Variants in PSMD1 observed in about 807,000 individuals in gnomAD.
PSMD1 encodes the protein 26S proteasome non-ATPase regulatory subunit 1.
In PSMD1, 18 loss-of-function variants were observed where a neutral mutation model predicts 119.0. The ratio of observed to expected loss-of-function variants is 0.15; its 90% CI spans 0.10 to 0.22. The LOEUF (loss-of-function observed/expected upper bound fraction) is 0.22. Ranked by LOEUF, PSMD1 falls within the 10% of genes least tolerant of loss-of-function variation. The pLI, the probability that PSMD1 is intolerant of heterozygous loss-of-function variation, is 1.00. For synonymous variants in PSMD1, 374 were observed against 396.6 expected (o/e 0.94, Z 0.68); for missense variants, 702 against 1,158.5 (o/e 0.61, Z 5.72).
intron 16 of PSMD1, among the ~76,000 whole-genome samples, chr2:231,120,550 G>A (rs1449533618): frequency 6.6e-6 from 1 of 152,172 alleles, no homozygotes; most frequent in Non-Finnish European, 1.5e-5. Context: ...ACAATGTTGT[G>A]CCTGAGTTGT....
chr2:231,070,252 A>T, intron 6 of PSMD1, 84 bp downstream of exon 6: 4 of 1,103,482 alleles, frequency 3.6e-6, no homozygotes, highest in Non-Finnish European at 4.7e-6. Context: ...ATTACTTTAT[A>T]TTACTATAAT....
Position 231,062,610 on chromosome 2 carries a change from A to G in PSMD1, c.239A>G (p.Tyr80Cys). ...HLGAFEESLNYALGAGDLFNV... is the reference protein window; with the variant it reads ...HLGAFEESLNCALGAGDLFNV... ...GGGGCTTTTGAGGAGTCTCTGAATT[A>G]TGCTCTTGGAGCAGGGGACCTCTTC... is the stretch of plus-strand genomic sequence containing the variant. Residue 80 changes from tyrosine to cysteine, a missense_variant, in exon 4 of 25, where the codon TAT (tyrosine) becomes TGT (cysteine). Coordinates refer to ENST00000308696, the MANE Select transcript of PSMD1 (RefSeq NM_002807.4). 6.2e-7 allele frequency: 1 copy of G among 1,613,718 alleles called. No individual in the cohort carries two copies. Among genetic ancestry groups the G allele is most frequent in the Non-Finnish European group, 8.5e-7 (1 of 1,179,870 alleles).
At chr2:231,165,088 A>ATATATATATATG (rs1696745204) in intron 21 of PSMD1, 112 bp from the exon 22 acceptor site, 1 of 152,162 alleles carries the variant, frequency 6.6e-6, no homozygotes. Flanking sequence ...ATATATATAT[A>ATATATATATATG]TATGTAATAC....
At chr2:231,164,775 T>A (rs1279548247) in intron 21 of PSMD1, among the ~76,000 whole-genome samples, 1 of 151,900 alleles carries the variant, frequency 6.6e-6, no homozygotes, top group Non-Finnish European at 1.5e-5. Flanking sequence ...AGAGGATATC[T>A]ACAACCAGCG....
chr2:231,081,856 G>T (rs1457059195), intron 12 of PSMD1, among the ~76,000 whole-genome samples: 2 of 152,016 alleles, frequency 1.3e-5, no homozygotes, highest in African/African-American at 4.8e-5. Context: ...TTTCTCCTCT[G>T]TCTTTAGCCT....
chr2:231,079,897 A>G (rs1694263344), intron 11 of PSMD1, among the ~76,000 whole-genome samples: 1 of 152,192 alleles, frequency 6.6e-6, no homozygotes, highest in Admixed American at 6.5e-5. Context: ...GGCAAATGTT[A>G]TAAAACAAAG....
In PSMD1 at chr2:231,083,777, C is replaced by T. The variant is rs747558406; in HGVS notation, c.1722+14C>T. On this transcript the variant is annotated intron_variant, in intron 14 of 24. Coordinates refer to ENST00000308696, the MANE Select transcript of PSMD1 (RefSeq NM_002807.4). Reference sequence around the variant, plus strand: ...TGTCGTGACAAGGTGAGATCACATACGTCCCTCACTGTCCATTTATCTCCA... The same window carrying T: ...TGTCGTGACAAGGTGAGATCACATATGTCCCTCACTGTCCATTTATCTCCA... 6.8e-6 allele frequency: 11 copies of T among 1,612,332 alleles called. No homozygotes were observed. The highest frequency in any genetic ancestry group is 4.0e-5 in the African/African-American group (3 of 74,888).
intron 16 of PSMD1, among the ~76,000 whole-genome samples, chr2:231,096,834 T>C (rs1401928333): frequency 2.0e-5 from 3 of 152,130 alleles, no homozygotes; most frequent in African/African-American, 7.2e-5. Flanking sequence ...TTAAAGAGAA[T>C]GACGGGGTGA....
intron 23 of PSMD1, 75 bp downstream of exon 23, chr2:231,166,092 A>G: frequency 7.4e-7 from 1 of 1,344,602 alleles, no homozygotes; most frequent in South Asian, 1.8e-5. Context: ...ATTGATAGAG[A>G]ATGATAAATC....
chr2:231,132,860 A>G (rs769638317), intron 16 of PSMD1, among the ~76,000 whole-genome samples: 1 of 152,228 alleles, frequency 6.6e-6, no homozygotes, highest in Non-Finnish European at 1.5e-5. Context: ...GGCAATTGGA[A>G]ACAGAAGTAA....
chr2:231,070,623 T>C (rs1284371917), intron 6 of PSMD1, among the ~76,000 whole-genome samples: 2 of 151,432 alleles, frequency 1.3e-5, no homozygotes, highest in Admixed American at 1.3e-4. Context: ...TGCTTGCACA[T>C]AAAAAAAAAT....
At chr2:231,113,924 T>C (rs996267055) in intron 16 of PSMD1, 4 of 1,613,754 alleles carry the variant, frequency 2.5e-6, no homozygotes, top group Non-Finnish European at 3.4e-6. Flanking sequence ...AGGGGCCACA[T>C]AGCCTCTGAA....
intron 16 of PSMD1, among the ~76,000 whole-genome samples, chr2:231,125,643 C>CT (rs1029651152): frequency 2.0e-5 from 3 of 152,136 alleles, no homozygotes; most frequent in Admixed American, 2.0e-4. Flanking sequence ...TGGTTCACAG[C>CT]TTTTTTTCCC....
intron 13 of PSMD1, 62 bp downstream of exon 13, chr2:231,083,056 TAGTTTC>T: frequency 2.4e-6 from 3 of 1,236,864 alleles, no homozygotes; most frequent in Non-Finnish European, 3.5e-6. Flanking sequence ...GTAATTACAT[TAGTTTC>T]TACCTATATT....
intron 6 of PSMD1, among the ~76,000 whole-genome samples, chr2:231,070,700 C>T (rs768376506): frequency 2.0e-5 from 3 of 151,972 alleles, no homozygotes; most frequent in South Asian, 2.1e-4. Context: ...TGGGCTTTTT[C>T]CCAAAGGTAA....
At chr2:231,112,290 C>T (rs1695179844) in intron 16 of PSMD1, among the ~76,000 whole-genome samples, 1 of 152,182 alleles carries the variant, frequency 6.6e-6, no homozygotes, top group South Asian at 2.1e-4. Context: ...CATTGTCTCC[C>T]ATTCCCTTTC....
At position 231,165,984 on chromosome 2, in the gene PSMD1, G is replaced by T; in HGVS notation, c.2682G>T (p.Met894Ile). 6.2e-7 allele frequency: 1 copy of T among 1,613,854 alleles called. No homozygotes were observed. The highest frequency in any genetic ancestry group is 8.5e-7 in the Non-Finnish European group (1 of 1,179,852). The change falls in exon 23 of 25, where the codon ATG becomes ATT. Residue 894 changes from methionine (M) to isoleucine (I), a missense_variant. Physicochemically the swap from Met to Ile is conservative, Grantham distance 10. Coordinates refer to ENST00000308696, the MANE Select transcript of PSMD1 (RefSeq NM_002807.4). ...CTGCCCAGCTTAAGGTCCTAACCAT[G>T]CCGGAGACCTGTAGATACCAGCCTT... ...VMPAQLKVLT[M>I]PETCRYQPFK...
At chr2:231,067,230 T>C (rs1463859016) in intron 5 of PSMD1, 119 bp downstream of exon 5, 10 of 719,854 alleles carry the variant, frequency 1.4e-5, no homozygotes, top group Non-Finnish European at 2.2e-5. Flanking sequence ...TAGCAGGTGA[T>C]CTTTTGCCAA....
chr2:231,139,125 T>C (rs980015601), intron 17 of PSMD1: 6 of 437,270 alleles, frequency 1.4e-5, no homozygotes, highest in African/African-American at 1.1e-4. Flanking sequence ...TTTGTTTTTG[T>C]TTTTTTTGTT....
Sources: allele counts gnomAD v4.1 joint callset (sites outside exome capture counted in the v4.1 genomes callset), GRCh38; gene constraint gnomAD v4.1.1; transcripts MANE v1.5; gene names NCBI Gene and HGNC (gene_info 2026-07-23, HGNC 2026-07-21).